ABTB3: variants seen among roughly 807,000 people sequenced by gnomAD.
ABTB3 encodes ankyrin repeat- and BTB/POZ domain-containing protein 3.
At chr12:107,385,388 C>T in the ABTB3 span, among the ~76,000 whole-genome samples, 1 of 152,080 alleles carries the variant, frequency 6.6e-6, no homozygotes, top group Non-Finnish European at 1.5e-5. Flanking sequence ...GTCAACACAC[C>T]CAAGGGTGAC....
chr12:107,467,629 C>G, the ABTB3 span, among the ~76,000 whole-genome samples: 1 of 151,574 alleles, frequency 6.6e-6, no homozygotes. Context: ...CACACACAAA[C>G]ACACATTCAC....
chr12:107,440,236 T>C, the ABTB3 span, among the ~76,000 whole-genome samples: 1 of 152,226 alleles, frequency 6.6e-6, no homozygotes, highest in Non-Finnish European at 1.5e-5. Flanking sequence ...CAAGGTTCTG[T>C]GGGTTCTGTG....
At chr12:107,341,787 G>T in the ABTB3 span, among the ~76,000 whole-genome samples, 2,518 of 152,220 alleles carry the variant, frequency 0.017, 38 homozygotes, top group Non-Finnish European at 0.022. Flanking sequence ...ATCCCTGTTG[G>T]TTTGGCACTG....
the ABTB3 span, chr12:107,635,377 G>A: frequency 6.2e-7 from 1 of 1,613,918 alleles, no homozygotes; most frequent in Non-Finnish European, 8.5e-7. Context: ...AACGGAAACA[G>A]ACCTCGCGCT....
the ABTB3 span, among the ~76,000 whole-genome samples, chr12:107,636,842 T>C: frequency 1.8e-4 from 28 of 152,368 alleles, no homozygotes; most frequent in African/African-American, 6.0e-4. Context: ...AGGTGCCTCA[T>C]AAGACACCCT....
At chr12:107,561,561 G>C in the ABTB3 span, among the ~76,000 whole-genome samples, 2 of 152,156 alleles carry the variant, frequency 1.3e-5, no homozygotes, top group African/African-American at 4.8e-5. Flanking sequence ...GGACTGCCCT[G>C]GAAAGTCAGG....
the ABTB3 span, among the ~76,000 whole-genome samples, chr12:107,358,083 C>T: frequency 6.6e-6 from 1 of 152,064 alleles, no homozygotes; most frequent in Non-Finnish European, 1.5e-5. Flanking sequence ...ACTCTGGGGT[C>T]CAGGAGTAAA....
the ABTB3 span, among the ~76,000 whole-genome samples, chr12:107,540,857 C>T: frequency 1.1e-3 from 162 of 152,112 alleles, no homozygotes; most frequent in Non-Finnish European, 9.6e-4. Context: ...AATAAATAGC[C>T]GGGCATGGTG....
the ABTB3 span, among the ~76,000 whole-genome samples, chr12:107,445,972 A>G: frequency 6.8e-6 from 1 of 146,370 alleles, no homozygotes; most frequent in African/African-American, 2.5e-5. Context: ...TTGTAATTAC[A>G]TTGGCCCATC....
At chr12:107,589,632 C>T in the ABTB3 span, among the ~76,000 whole-genome samples, 2 of 152,186 alleles carry the variant, frequency 1.3e-5, no homozygotes, top group African/African-American at 4.8e-5. Flanking sequence ...AAACGTGGTC[C>T]CTGATTGGCT....
chr12:107,472,708 C>T, the ABTB3 span, among the ~76,000 whole-genome samples: 57 of 152,288 alleles, frequency 3.7e-4, 1 homozygote, highest in African/African-American at 1.3e-3. Flanking sequence ...TGGGAACATC[C>T]GCCGTTCGGT....
the ABTB3 span, among the ~76,000 whole-genome samples, chr12:107,561,968 C>G: frequency 6.6e-6 from 1 of 152,182 alleles, no homozygotes; most frequent in African/African-American, 2.4e-5. Context: ...ACTTCCTTCT[C>G]CCATTAGACT....
chr12:107,326,626 G>A, the ABTB3 span, among the ~76,000 whole-genome samples: 1 of 152,106 alleles, frequency 6.6e-6, no homozygotes, highest in Non-Finnish European at 1.5e-5. Flanking sequence ...TCTGATCCCT[G>A]CTTCCAACTT....
the ABTB3 span, among the ~76,000 whole-genome samples, chr12:107,538,277 A>G: frequency 1.3e-5 from 2 of 152,216 alleles, no homozygotes; most frequent in African/African-American, 4.8e-5. Flanking sequence ...ACTCAGTGGC[A>G]GTGTAATTTC....
chr12:107,508,434 ATTTCTTTTTTT>A, the ABTB3 span, among the ~76,000 whole-genome samples: 2 of 58,718 alleles, frequency 3.4e-5, no homozygotes, highest in Non-Finnish European at 7.5e-5. Flanking sequence ...CTCAAAGATC[ATTTCTTTTTTT>A]TTTTTTTTTT....
chr12:107,357,417 G>A, the ABTB3 span, among the ~76,000 whole-genome samples: 3 of 152,252 alleles, frequency 2.0e-5, no homozygotes, highest in Admixed American at 2.0e-4. Context: ...AGATGAGCCT[G>A]AGCAACATAG....
At chr12:107,610,288 G>T in the ABTB3 span, 2 of 1,614,136 alleles carry the variant, frequency 1.2e-6, no homozygotes, top group South Asian at 2.2e-5. Flanking sequence ...AACTGTGGAC[G>T]AACAGACCTG....
the ABTB3 span, among the ~76,000 whole-genome samples, chr12:107,328,738 T>C: frequency 2.0e-5 from 3 of 152,190 alleles, no homozygotes; most frequent in African/African-American, 7.2e-5. Flanking sequence ...GTGGTTGAGT[T>C]GGGACTTGGG....
the ABTB3 span, among the ~76,000 whole-genome samples, chr12:107,572,973 A>G: frequency 6.6e-6 from 1 of 152,198 alleles, no homozygotes; most frequent in African/African-American, 2.4e-5. Flanking sequence ...TCTGGGCACT[A>G]TCTGTAGAAA....
Sources: gnomAD v4.1 joint callset for allele counts (sites outside exome capture counted in the v4.1 genomes callset) on GRCh38, gnomAD v4.1.1 for gene constraint, MANE v1.5 for transcripts, NCBI Gene and HGNC (gene_info 2026-07-23, HGNC 2026-07-21) for gene names.